ULK4: variants seen among roughly 807,000 people sequenced by gnomAD.
ULK4 encodes the protein unc-51 like kinase 4.
ULK4 carries 133 observed loss-of-function variants against 160.6 expected under a neutral mutation model. That is an observed-to-expected ratio of 0.83 (90% CI 0.72 to 0.96). The LOEUF (loss-of-function observed/expected upper bound fraction) is 0.96. ULK4 is among the 40% of genes least tolerant of loss of function. The probability of loss-of-function intolerance (pLI) is 0.00; values close to 1 mark genes in which losing one functional copy is unlikely to be tolerated. For synonymous variants in ULK4, 534 were observed against 539.8 expected (o/e 0.99, Z 0.15); for missense variants, 1,580 against 1,499.5 (o/e 1.05, Z -0.89).
chr3:41,781,152 A>G (rs142584813), intron 21 of ULK4, among the ~76,000 whole-genome samples: 13 of 152,320 alleles, frequency 8.5e-5, no homozygotes, highest in East Asian at 1.9e-4. Context: ...ATATTTACCT[A>G]TATTTGCAAA....
At chr3:41,556,757 G>A (rs1028338699) in intron 32 of ULK4, among the ~76,000 whole-genome samples, 3 of 151,976 alleles carry the variant, frequency 2.0e-5, no homozygotes, top group Non-Finnish European at 2.9e-5. Flanking sequence ...AAAGTGCTGG[G>A]ATTACAGGCA....
rs556639719 is a variant in ULK4 at position 41,754,553 on chromosome 3, G to A, written c.2194-65C>T. ...AAAAATAGGGCAGTCTCAATTCTCAGAGTGAACAGACTATAATAATCAAGC... is the reference window on the plus strand; with the variant it reads ...AAAAATAGGGCAGTCTCAATTCTCAAAGTGAACAGACTATAATAATCAAGC... On this transcript the variant is annotated intron_variant, in intron 21 of 36. Transcript: ENST00000301831. The A allele has an allele frequency of 3.3e-5, 50 of 1,527,150 alleles. No homozygotes were observed. In the African/African-American group the frequency reaches 6.1e-4, roughly 19 times the overall value. The allele number at this position is 1,527,150 out of a possible 1,614,324, so 94.6% of individuals were successfully genotyped here.
intron 19 of ULK4, among the ~76,000 whole-genome samples, chr3:41,811,162 C>T (rs1044471094): frequency 3.2e-4 from 48 of 152,130 alleles, no homozygotes; most frequent in African/African-American, 1.1e-3. Flanking sequence ...GCTGGGATTA[C>T]AGGTATAAGC....
chr3:41,270,908 A>G (rs544987910), intron 35 of ULK4, among the ~76,000 whole-genome samples: 68 of 152,300 alleles, frequency 4.5e-4, no homozygotes, highest in African/African-American at 1.6e-3. Flanking sequence ...AAATATAACC[A>G]TCTTTCTAAA....
intron 30 of ULK4, among the ~76,000 whole-genome samples, chr3:41,642,602 G>C (rs2034269014): frequency 6.6e-6 from 1 of 152,138 alleles, no homozygotes; most frequent in African/African-American, 2.4e-5. Context: ...TTGGACATTT[G>C]GATCAGTTCT....
intron 21 of ULK4, among the ~76,000 whole-genome samples, chr3:41,760,299 A>C (rs1053881648): frequency 2.0e-5 from 3 of 152,202 alleles, no homozygotes; most frequent in African/African-American, 7.2e-5. Flanking sequence ...GAAGTTTTTC[A>C]TACATTGCTA....
intron 34 of ULK4, among the ~76,000 whole-genome samples, chr3:41,441,168 CCTTT>C (rs767072256): frequency 4.6e-5 from 7 of 151,894 alleles, no homozygotes; most frequent in Non-Finnish European, 8.8e-5. Flanking sequence ...TTTATTAGTC[CCTTT>C]CTTCTACTTA....
chr3:41,410,400 T>TA (rs1207638225), intron 34 of ULK4, among the ~76,000 whole-genome samples: 1 of 152,016 alleles, frequency 6.6e-6, no homozygotes, highest in Non-Finnish European at 1.5e-5. Context: ...CCTGAAAACA[T>TA]ACAGCTAAGA....
At chr3:41,866,431 C>T (rs1462206293) in intron 17 of ULK4, among the ~76,000 whole-genome samples, 1 of 152,340 alleles carries the variant, frequency 6.6e-6, no homozygotes, top group East Asian at 1.9e-4. Context: ...TGAAACTGTA[C>T]TGCCTCAGAT....
At position 41,957,448 on chromosome 3, in the gene ULK4, CA is replaced by C. The variant is rs11455719; in HGVS notation, c.-48-2642del. On this transcript the variant is annotated intron_variant, in intron 1 of 36. Transcript: ENST00000301831. ...CCAGCCTGGGAGACAGAGCACCACT[CA>C]AAAAAAAAAAAAAAAAATCAATCTT... Among the ~76,000 whole-genome samples, 444 of 97,246 alleles carry C rather than the reference CA, an allele frequency of 4.6e-3. 2 individuals are homozygous for C. The highest frequency in any genetic ancestry group is 0.017 in the African/African-American group (424 of 24,578). 63.8% of individuals were successfully genotyped at this position (97,246 alleles called of 152,430 possible).
At chr3:41,314,548 C>G (rs965339288) in intron 35 of ULK4, among the ~76,000 whole-genome samples, 2 of 152,150 alleles carry the variant, frequency 1.3e-5, no homozygotes, top group East Asian at 3.9e-4. Flanking sequence ...CAGAACAGTT[C>G]TAAATGTTTT....
rs147660405 is a variant in ULK4, at chr3:41,914,591, T to G, written c.803+1386A>C. ...CACATCAAAGAGATAACTAACCAAG[T>G]AAACCCAAAAAAATTTTAAAAATTC... is the stretch of plus-strand genomic sequence containing the variant. On this transcript the variant is annotated intron_variant, in intron 8 of 36. Coordinates refer to ENST00000301831, the MANE Select transcript of ULK4 (RefSeq NM_017886.4). 2.1e-3 allele frequency among the ~76,000 whole-genome samples: 318 copies of G among 152,246 alleles called. 1 individual carries two copies. The highest frequency in any genetic ancestry group is 3.5e-3 in the Non-Finnish European group (239 of 67,996).
At chr3:41,753,155 G>A (rs1442860373) in intron 22 of ULK4, among the ~76,000 whole-genome samples, 1 of 152,122 alleles carries the variant, frequency 6.6e-6, no homozygotes, top group Admixed American at 6.5e-5. Flanking sequence ...GGGGATCGAG[G>A]CTCCAGTGAG....
At chr3:41,529,025 A>T (rs1376992157) in intron 32 of ULK4, among the ~76,000 whole-genome samples, 1 of 152,196 alleles carries the variant, frequency 6.6e-6, no homozygotes, top group Non-Finnish European at 1.5e-5. Flanking sequence ...CTTTAACTCA[A>T]CTTTATCTTT....
intron 33 of ULK4, among the ~76,000 whole-genome samples, chr3:41,455,891 T>C (rs772602582): frequency 3.9e-5 from 6 of 152,152 alleles, no homozygotes; most frequent in Non-Finnish European, 5.9e-5. Flanking sequence ...GTCCCATATA[T>C]TGCAGTGAGG....
rs1026068573 is a variant in ULK4 at position 41,776,417 on chromosome 3, T to G, written c.2193+13244A>C. On this transcript the variant is annotated intron_variant, in intron 21 of 36. Coordinates refer to ENST00000301831, the MANE Select transcript of ULK4 (RefSeq NM_017886.4). ...TTTTTCAAGTTTTCCTTTTCATATT[T>G]TAGTCTTATGTCAGAAAAAAAATCT... Among the ~76,000 whole-genome samples, 6 of 150,686 alleles carry G rather than the reference T, an allele frequency of 4.0e-5. 1 individual carries two copies. Among genetic ancestry groups the G allele is most frequent in the African/African-American group, 1.5e-4 (6 of 40,026 alleles).
At chr3:41,322,182 C>T (rs1365093397) in intron 35 of ULK4, among the ~76,000 whole-genome samples, 1 of 143,438 alleles carries the variant, frequency 7.0e-6, no homozygotes, top group Non-Finnish European at 1.5e-5. Flanking sequence ...CGAGTGTGCA[C>T]CACCACGCCC....
chr3:41,735,551 G>A lies in ULK4; in HGVS notation c.2322-17690C>T, dbSNP rs549015185. Among the ~76,000 whole-genome samples, 3 of 152,074 alleles carry A rather than the reference G, an allele frequency of 2.0e-5. No homozygotes were observed. In the South Asian group the frequency reaches 6.2e-4, roughly 32 times the overall value. On this transcript the variant is annotated intron_variant, in intron 22 of 36. Coordinates refer to ENST00000301831, the MANE Select transcript of ULK4 (RefSeq NM_017886.4). ...GTGCAGTATATTACTGGAATAACAT[G>A]TAAATTGTAGATATCCATTCCATTT...
At chr3:41,453,233 T>C (rs557845956) in intron 34 of ULK4, among the ~76,000 whole-genome samples, 1 of 152,308 alleles carries the variant, frequency 6.6e-6, no homozygotes, top group East Asian at 1.9e-4. Context: ...TAGAGTGCAG[T>C]GGTGTCATCA....
Sources: gnomAD v4.1 joint callset for allele counts (sites outside exome capture counted in the v4.1 genomes callset) on GRCh38, gnomAD v4.1.1 for gene constraint, MANE v1.5 for transcripts, NCBI Gene and HGNC (gene_info 2026-07-23, HGNC 2026-07-21) for gene names.